The following AKR1C8 variants were observed in gnomAD, a reference collection of about 807,000 sequenced individuals.
The protein encoded by AKR1C8 is aldo-keto reductase family 1 member C8.
the AKR1C8 span, among the ~76,000 whole-genome samples, chr10:5,166,543 T>C: frequency 2.0e-5 from 3 of 152,292 alleles, no homozygotes; most frequent in East Asian, 3.9e-4. Context: ...GGGGAAATGA[T>C]TCCCTATTTA....
the AKR1C8 span, chr10:5,185,116 C>T: frequency 1.9e-6 from 1 of 534,680 alleles, no homozygotes; most frequent in South Asian, 1.4e-5. Flanking sequence ...CCCAGCTAAC[C>T]TGTCTTTCCT....
the AKR1C8 span, among the ~76,000 whole-genome samples, chr10:5,116,785 C>A: frequency 1.6e-4 from 24 of 152,124 alleles, no homozygotes; most frequent in Non-Finnish European, 2.7e-4. Flanking sequence ...TGTAGTGCTG[C>A]AGCTGTCTGC....
chr10:5,164,022 G>A, the AKR1C8 span, among the ~76,000 whole-genome samples: 3 of 152,144 alleles, frequency 2.0e-5, no homozygotes, highest in Non-Finnish European at 4.4e-5. Flanking sequence ...GTGGCTTCCA[G>A]TGGACACTTT....
At chr10:5,136,059 T>C in the AKR1C8 span, among the ~76,000 whole-genome samples, 2 of 152,190 alleles carry the variant, frequency 1.3e-5, no homozygotes, top group African/African-American at 2.4e-5. Flanking sequence ...CAGTGCCTTA[T>C]AGTATTTGTA....
the AKR1C8 span, among the ~76,000 whole-genome samples, chr10:5,119,391 A>G: frequency 6.6e-6 from 1 of 152,216 alleles, no homozygotes; most frequent in Non-Finnish European, 1.5e-5. Context: ...ATAAAAGTAC[A>G]TAATCTACAT....
At chr10:5,124,173 G>C in the AKR1C8 span, among the ~76,000 whole-genome samples, 33 of 152,090 alleles carry the variant, frequency 2.2e-4, 1 homozygote, top group Admixed American at 2.6e-4. Context: ...TTTCTTCAAA[G>C]ACTCATGAGG....
the AKR1C8 span, among the ~76,000 whole-genome samples, chr10:5,168,843 A>G: frequency 6.6e-6 from 1 of 152,148 alleles, no homozygotes; most frequent in Admixed American, 6.5e-5. Context: ...GTGAAAAAGA[A>G]AGCACTTTCT....
chr10:5,151,351 G>C, the AKR1C8 span, among the ~76,000 whole-genome samples: 2 of 152,088 alleles, frequency 1.3e-5, no homozygotes, highest in Admixed American at 6.6e-5. Context: ...AGGCAGGAAA[G>C]GGTTTGTTTT....
chr10:5,172,831 A>G, the AKR1C8 span, among the ~76,000 whole-genome samples: 665 of 152,250 alleles, frequency 4.4e-3, 1 homozygote, highest in Non-Finnish European at 7.7e-3. Flanking sequence ...TTTAATAGAC[A>G]TTGCACACAT....
the AKR1C8 span, among the ~76,000 whole-genome samples, chr10:5,117,129 GCTT>G: frequency 1.3e-4 from 12 of 89,278 alleles, no homozygotes; most frequent in Non-Finnish European, 3.0e-4. Context: ...CTGGCAGTGA[GCTT>G]TTTTTTTTTT....
At chr10:5,136,796 A>G in the AKR1C8 span, among the ~76,000 whole-genome samples, 5 of 152,184 alleles carry the variant, frequency 3.3e-5, no homozygotes, top group African/African-American at 1.2e-4. Flanking sequence ...GAAGGACAAC[A>G]ATAAGTATTT....
the AKR1C8 span, among the ~76,000 whole-genome samples, chr10:5,166,989 T>G: frequency 1.3e-5 from 2 of 150,526 alleles, no homozygotes; most frequent in East Asian, 1.9e-4. Flanking sequence ...GAAGAGACGC[T>G]TCTCAAAAGA....
the AKR1C8 span, among the ~76,000 whole-genome samples, chr10:5,153,244 G>A: frequency 6.0e-5 from 9 of 150,694 alleles, no homozygotes; most frequent in Non-Finnish European, 8.9e-5. Flanking sequence ...CTTAATAAAT[G>A]AATGAATGGA....
the AKR1C8 span, among the ~76,000 whole-genome samples, chr10:5,147,063 T>C: frequency 7.2e-5 from 11 of 152,326 alleles, no homozygotes; most frequent in Non-Finnish European, 1.2e-4. Context: ...GGTAGGCCTC[T>C]GGTGAGGGCC....
chr10:5,133,105 C>T, the AKR1C8 span, among the ~76,000 whole-genome samples: 4 of 152,012 alleles, frequency 2.6e-5, no homozygotes. Context: ...TTATTTGAGA[C>T]AGAGTCTCAC....
At chr10:5,176,992 T>C in the AKR1C8 span, among the ~76,000 whole-genome samples, 1 of 152,050 alleles carries the variant, frequency 6.6e-6, no homozygotes, top group African/African-American at 2.4e-5. Flanking sequence ...CTAATTGCCC[T>C]GGCCAGAACT....
the AKR1C8 span, among the ~76,000 whole-genome samples, chr10:5,167,016 AAAAG>A: frequency 6.6e-6 from 1 of 152,188 alleles, no homozygotes; most frequent in African/African-American, 2.4e-5. Flanking sequence ...TTATGCAGCC[AAAAG>A]ACACATGAAA....
chr10:5,139,091 C>A, the AKR1C8 span, among the ~76,000 whole-genome samples: 2 of 152,144 alleles, frequency 1.3e-5, no homozygotes, highest in Non-Finnish European at 2.9e-5. Flanking sequence ...AGGAATCCAA[C>A]TTACAAGGGA....
chr10:5,118,474 C>T, the AKR1C8 span, among the ~76,000 whole-genome samples: 1 of 152,036 alleles, frequency 6.6e-6, no homozygotes, highest in African/African-American at 2.4e-5. Flanking sequence ...ATTGTTATGG[C>T]CATAATTTAC....
Sources: gnomAD v4.1 joint callset for allele counts (sites outside exome capture counted in the v4.1 genomes callset) on GRCh38, gnomAD v4.1.1 for gene constraint, MANE v1.5 for transcripts, NCBI Gene and HGNC (gene_info 2026-07-23, HGNC 2026-07-21) for gene names.